TTC1: variants seen among roughly 807,000 people sequenced by gnomAD.
The protein encoded by TTC1 is tetratricopeptide repeat domain 1.
TTC1 carries 31 observed loss-of-function variants against 37.6 expected under a neutral mutation model. The observed-to-expected ratio is 0.82, with a 90% CI of 0.62 to 1.11. TTC1 has a LOEUF of 1.11. Among genes scored for constraint, TTC1 ranks in the 50% most tolerant of loss-of-function variants. TTC1 has a pLI of 0.00. For missense variants in TTC1, 351 were observed against 339.0 expected, an observed-to-expected ratio of 1.04 and a Z score of -0.28; for synonymous variants, 127 against 122.4, an observed-to-expected ratio of 1.04 and a Z score of -0.25.
intron 2 of TTC1, among the ~76,000 whole-genome samples, chr5:160,020,586 C>T (rs1405381090): frequency 6.6e-6 from 1 of 152,222 alleles, no homozygotes; most frequent in Non-Finnish European, 1.5e-5. Context: ...CAGCCACTTC[C>T]CATCGCTTGC....
intron 1 of TTC1, among the ~76,000 whole-genome samples, chr5:160,010,248 A>T (rs2113335586): frequency 7.5e-6 from 1 of 132,516 alleles, no homozygotes; most frequent in East Asian, 2.3e-4. Context: ...ACAGACTGAG[A>T]TTAAGTCTCA....
intron 2 of TTC1, among the ~76,000 whole-genome samples, chr5:160,023,323 G>A (rs1349834138): frequency 7.7e-6 from 1 of 129,892 alleles, no homozygotes; most frequent in Non-Finnish European, 1.6e-5. Context: ...ATAGAGTTTT[G>A]CTCTGTTGCC....
rs374066190 is a variant in TTC1 at position 160,035,219 on chromosome 5, C to T, written c.391+19C>T. Reference sequence around the variant, plus strand: ...AAAGGAGGTAAGACGACTTTCAGCACTGATAATCTGGTCATCTTGACTCCT... The same window carrying T: ...AAAGGAGGTAAGACGACTTTCAGCATTGATAATCTGGTCATCTTGACTCCT... On this transcript the variant is annotated intron_variant, in intron 3 of 7. Transcript: ENST00000231238. 4.5e-4 allele frequency: 711 copies of T among 1,586,352 alleles called. No homozygotes were observed. The highest frequency in any genetic ancestry group is 5.8e-4 in the Non-Finnish European group (677 of 1,167,452).
intron 2 of TTC1, among the ~76,000 whole-genome samples, chr5:160,029,049 A>G (rs1354774983): frequency 1.3e-5 from 2 of 152,192 alleles, no homozygotes; most frequent in Admixed American, 1.3e-4. Flanking sequence ...TAGTAGGTTC[A>G]TTGTTGGTAA....
intron 7 of TTC1, among the ~76,000 whole-genome samples, chr5:160,060,016 G>A (rs1045749947): frequency 6.6e-6 from 1 of 152,172 alleles, no homozygotes; most frequent in African/African-American, 2.4e-5. Context: ...AATTTCAACT[G>A]GGCATGAATT....
At chr5:160,053,779 A>AG (rs1757470645) in intron 7 of TTC1, among the ~76,000 whole-genome samples, 1 of 152,182 alleles carries the variant, frequency 6.6e-6, no homozygotes, top group South Asian at 2.1e-4. Flanking sequence ...GTTTTTATTT[A>AG]GATGTGTTCA....
At chr5:160,039,371 A>G (rs1356983056) in intron 4 of TTC1, among the ~76,000 whole-genome samples, 3 of 150,262 alleles carry the variant, frequency 2.0e-5, no homozygotes, top group Admixed American at 6.7e-5. Flanking sequence ...TATGCTGTGT[A>G]CATTTGTTTT....
rs1486088950 is a variant in TTC1 at position 160,065,324 on chromosome 5, A to T, written c.*259A>T. 1.7e-6 allele frequency: 1 copy of T among 597,442 alleles called. No homozygotes were observed. The highest frequency in any genetic ancestry group is 1.8e-5 in the African/African-American group (1 of 54,948). The allele number at this position is 597,442 out of a possible 1,614,324, so 37.0% of individuals were successfully genotyped here. Reference sequence around the variant, plus strand: ...CCCCGATTCTGGCTGTCCTATGTCCAGGAAGAAGCCCATTTGTTGAGGCTG... The same window carrying T: ...CCCCGATTCTGGCTGTCCTATGTCCTGGAAGAAGCCCATTTGTTGAGGCTG... On this transcript the variant is annotated 3_prime_UTR_variant, in exon 8 of 8. Transcript: ENST00000231238.
At chr5:160,036,383 C>T in intron 3 of TTC1, 1 of 222,972 alleles carries the variant, frequency 4.5e-6, no homozygotes, top group South Asian at 9.1e-5. Flanking sequence ...AATTGCCCAG[C>T]CAAATGAAAA....
intron 7 of TTC1, among the ~76,000 whole-genome samples, chr5:160,055,713 A>C (rs1349738805): frequency 6.6e-6 from 1 of 152,242 alleles, no homozygotes; most frequent in Non-Finnish European, 1.5e-5. Flanking sequence ...CGGAGTATAG[A>C]GGCAGCTCAG....
intron 7 of TTC1, among the ~76,000 whole-genome samples, chr5:160,052,428 A>G (rs1288010354): frequency 6.6e-6 from 1 of 151,870 alleles, no homozygotes; most frequent in Non-Finnish European, 1.5e-5. Flanking sequence ...TAGAGGCTGC[A>G]GTGAGCTATG....
At chr5:160,055,193 C>T (rs536882625) in intron 7 of TTC1, among the ~76,000 whole-genome samples, 2 of 152,146 alleles carry the variant, frequency 1.3e-5, no homozygotes, top group Admixed American at 6.5e-5. Flanking sequence ...TTATTTTATC[C>T]CGTATGCTGG....
At chr5:160,055,995 A>G (rs921830950) in intron 7 of TTC1, among the ~76,000 whole-genome samples, 1 of 152,222 alleles carries the variant, frequency 6.6e-6, no homozygotes, top group Non-Finnish European at 1.5e-5. Flanking sequence ...TGCAGGGGAT[A>G]ACAAGCTTCC....
At chr5:160,055,380 C>T (rs1042312310) in intron 7 of TTC1, among the ~76,000 whole-genome samples, 6 of 152,170 alleles carry the variant, frequency 3.9e-5, no homozygotes, top group South Asian at 2.1e-4. Context: ...CATTGTCTAA[C>T]GGGGAAGCCC....
chr5:160,010,459 C>T (rs961265), intron 1 of TTC1, 41 bp from the exon 2 acceptor site: 192,435 of 1,347,106 alleles, frequency 0.14, 15,901 homozygotes, highest in East Asian at 0.32. Flanking sequence ...TTTAAAAATA[C>T]AAGCACCATT....
chr5:160,032,425 C>T (rs1756927207), intron 2 of TTC1, among the ~76,000 whole-genome samples: 1 of 152,184 alleles, frequency 6.6e-6, no homozygotes, highest in Non-Finnish European at 1.5e-5. Flanking sequence ...CAACATCCAA[C>T]ACCCCTTCCT....
chr5:160,040,265 T>TACACAC (rs34348207), intron 4 of TTC1, among the ~76,000 whole-genome samples: 1 of 150,832 alleles, frequency 6.6e-6, no homozygotes. Flanking sequence ...CACATATGTA[T>TACACAC]ACACACACAC....
intron 2 of TTC1, among the ~76,000 whole-genome samples, chr5:160,024,508 C>G (rs1273896843): frequency 2.0e-5 from 3 of 151,982 alleles, no homozygotes; most frequent in African/African-American, 4.8e-5. Context: ...ATGACAGTTC[C>G]TTTATCTTTT....
Position 160,010,523 on chromosome 5 carries a change from G to A in TTC1, c.-6G>A. On this transcript the variant is annotated 5_prime_UTR_variant, in exon 2 of 8. Coordinates refer to ENST00000231238, the MANE Select transcript of TTC1 (RefSeq NM_003314.3). ...AGCTTTAGCGTCACCTCCCTCACTGGGCAGCATGGGGGAGAAGTCAGAGAA... is the reference window on the plus strand; with the variant it reads ...AGCTTTAGCGTCACCTCCCTCACTGAGCAGCATGGGGGAGAAGTCAGAGAA... 7 of 1,609,120 alleles carry A rather than the reference G, an allele frequency of 4.4e-6. No homozygotes were observed. The highest frequency in any genetic ancestry group is 5.1e-6 in the Non-Finnish European group (6 of 1,176,090).
Sources: gnomAD v4.1 joint callset for allele counts (sites outside exome capture counted in the v4.1 genomes callset) on GRCh38, gnomAD v4.1.1 for gene constraint, MANE v1.5 for transcripts, NCBI Gene and HGNC (gene_info 2026-07-23, HGNC 2026-07-21) for gene names.